The following WAPL variants were observed in gnomAD, a reference collection of about 807,000 sequenced individuals.
The protein encoded by WAPL is WAPL cohesin release factor, also known as wings apart-like protein homolog.
WAPL carries 5 observed loss-of-function variants against 121.0 expected under a neutral mutation model. The observed-to-expected ratio is 0.04, with a 90% confidence interval of 0.02 to 0.09. The LOEUF is 0.09. Among genes scored for constraint, WAPL ranks in the 10% least tolerant of loss-of-function variants. WAPL has a pLI of 1.00. For synonymous variants in WAPL, 480 were observed against 481.5 expected (o/e 1.00, Z 0.04); for missense variants, 999 against 1,410.8 (o/e 0.71, Z 4.68).
chr10:86,468,022 T>C (rs1288682259), intron 8 of WAPL, among the ~76,000 whole-genome samples: 2 of 151,868 alleles, frequency 1.3e-5, no homozygotes, highest in African/African-American at 4.8e-5. Flanking sequence ...AAAAATAAAA[T>C]GCTGTTGCTT....
At chr10:86,451,673 G>T (rs532879284) in intron 15 of WAPL, among the ~76,000 whole-genome samples, 3 of 152,172 alleles carry the variant, frequency 2.0e-5, no homozygotes, top group Non-Finnish European at 4.4e-5. Context: ...GATTATAGGC[G>T]TGAGTCACTG....
At chr10:86,476,854 T>C (rs951168772) in intron 4 of WAPL, among the ~76,000 whole-genome samples, 3 of 152,224 alleles carry the variant, frequency 2.0e-5, no homozygotes, top group Non-Finnish European at 2.9e-5. Flanking sequence ...CTGATGTGTC[T>C]ATTCATCTCA....
intron 15 of WAPL, among the ~76,000 whole-genome samples, chr10:86,447,502 C>T (rs1453861753): frequency 2.6e-5 from 4 of 151,894 alleles, no homozygotes; most frequent in Non-Finnish European, 5.9e-5. Flanking sequence ...TGGACATATA[C>T]AAAATGCCAT....
chr10:86,473,793 G>C, intron 5 of WAPL, 85 bp downstream of exon 5: 1 of 1,109,236 alleles, frequency 9.0e-7, no homozygotes, highest in Non-Finnish European at 1.3e-6. Flanking sequence ...AAAAGTCAAA[G>C]ATTTACAAAT....
chr10:86,514,998 G>A (rs964408098), intron 2 of WAPL, among the ~76,000 whole-genome samples: 4 of 152,162 alleles, frequency 2.6e-5, no homozygotes, highest in African/African-American at 4.8e-5. Flanking sequence ...AGTGGCTCAC[G>A]CCTATATTCC....
intron 12 of WAPL, among the ~76,000 whole-genome samples, chr10:86,454,580 C>A (rs997178115): frequency 6.6e-6 from 1 of 152,236 alleles, no homozygotes; most frequent in Non-Finnish European, 1.5e-5. Context: ...TCTTGGCTCG[C>A]TACAACCTCC....
intron 4 of WAPL, among the ~76,000 whole-genome samples, chr10:86,491,815 T>C (rs945954011): frequency 4.6e-5 from 7 of 151,198 alleles, no homozygotes; most frequent in Non-Finnish European, 7.4e-5. Context: ...ACATGCAAGA[T>C]AACGTTTTAA....
intron 4 of WAPL, among the ~76,000 whole-genome samples, chr10:86,493,257 T>A (rs2132215252): frequency 6.6e-6 from 1 of 152,224 alleles, no homozygotes. Flanking sequence ...AAGTGTTATA[T>A]AACCACAGGT....
Position 86,463,011 on chromosome 10 carries a change from T to C in WAPL, c.2371-1724A>G, listed in dbSNP as rs182027132. Among the ~76,000 whole-genome samples the C allele has an allele frequency of 8.5e-5, 13 of 152,378 alleles. No homozygotes were observed. In the East Asian group the frequency reaches 2.1e-3, roughly 25 times the overall value. Reference sequence around the variant, plus strand: ...TATTGGCATAAAAAGGATTCTTTGATATTTTAGGCTATAGTCAGTATACTA... The same window carrying C: ...TATTGGCATAAAAAGGATTCTTTGACATTTTAGGCTATAGTCAGTATACTA... On this transcript the variant is annotated intron_variant, in intron 9 of 18. Coordinates refer to ENST00000298767, the MANE Select transcript of WAPL (RefSeq NM_015045.5).
At chr10:86,479,721 C>A (rs969318782) in intron 4 of WAPL, among the ~76,000 whole-genome samples, 2 of 152,098 alleles carry the variant, frequency 1.3e-5, no homozygotes, top group Non-Finnish European at 2.9e-5. Context: ...TCAATCAGCA[C>A]GAAGTACAAC....
At chr10:86,505,298 C>CTATTTTTTTTT in intron 2 of WAPL, among the ~76,000 whole-genome samples, 1 of 65,420 alleles carries the variant, frequency 1.5e-5, no homozygotes, top group East Asian at 3.5e-4. Context: ...CAGTGCCCAA[C>CTATTTTTTTTT]TCTTTTTTTT....
At chr10:86,467,676 ATTTT>A (rs758088662) in intron 8 of WAPL, among the ~76,000 whole-genome samples, 170 bp from the exon 9 acceptor site, 1 of 143,540 alleles carries the variant, frequency 7.0e-6, no homozygotes, top group Non-Finnish European at 1.5e-5. Context: ...CCTCTAAAAA[ATTTT>A]TTTTTTTTTT....
intron 4 of WAPL, among the ~76,000 whole-genome samples, chr10:86,481,264 T>C (rs2132202769): frequency 6.6e-6 from 1 of 152,078 alleles, no homozygotes; most frequent in South Asian, 2.1e-4. Context: ...TAAAAATATA[T>C]ACTGGGGAAG....
chr10:86,503,790 C>A (rs551415104), intron 2 of WAPL, among the ~76,000 whole-genome samples: 23 of 151,508 alleles, frequency 1.5e-4, no homozygotes, highest in African/African-American at 5.3e-4. Context: ...AAATGCTTAT[C>A]ATTAGTTGCT....
intron 3 of WAPL, among the ~76,000 whole-genome samples, 198 bp from the exon 4 acceptor site, chr10:86,497,517 C>A (rs574934180): frequency 6.6e-6 from 1 of 152,274 alleles, no homozygotes; most frequent in African/African-American, 2.4e-5. Context: ...TTGTCCCTCC[C>A]GCAAGAGAAA....
At position 86,500,617 on chromosome 10, in the gene WAPL, T is replaced by C; in HGVS notation, c.626A>G (p.Asp209Gly). 6.2e-7 allele frequency: 1 copy of C among 1,614,176 alleles called. No individual in the cohort carries two copies. The highest frequency in any genetic ancestry group is 8.5e-7 in the Non-Finnish European group (1 of 1,180,024). Residue 209 changes from aspartate to glycine, a missense_variant, in exon 3 of 19, where the codon GAT becomes GGT. Asp to Gly is a moderately conservative substitution (Grantham distance 94). Transcript: ENST00000298767. ...TTTCCCAAACTGGGAGTTCCAAGTA[T>C]CATTTGTTTCCTTGATTTCAGAAGC... ...TVASEIKETNDTWNSQFGKRP... is the reference protein window; with the variant it reads ...TVASEIKETNGTWNSQFGKRP...
Position 86,467,161 on chromosome 10 carries a change from A to C in WAPL, c.2370+118T>G, listed in dbSNP as rs376815898. On this transcript the variant is annotated intron_variant, in intron 9 of 18. Coordinates refer to ENST00000298767, the MANE Select transcript of WAPL (RefSeq NM_015045.5). ...CAGATCTAAACATAAGAAATTTGCCAAACTGTAAACCAAGGTTAGAATTAA... is the reference window on the plus strand; with the variant it reads ...CAGATCTAAACATAAGAAATTTGCCCAACTGTAAACCAAGGTTAGAATTAA... The C allele has an allele frequency of 1.9e-5, 18 of 932,542 alleles. No homozygotes were observed. In the African/African-American group the frequency reaches 2.7e-4, roughly 14 times the overall value. 57.8% of individuals were successfully genotyped at this position (932,542 alleles called of 1,614,324 possible).
intron 8 of WAPL, among the ~76,000 whole-genome samples, chr10:86,467,813 A>G (rs1334746456): frequency 2.0e-5 from 3 of 151,530 alleles, no homozygotes; most frequent in South Asian, 4.2e-4. Context: ...AGTAGCTCGG[A>G]CTACTGGTGT....
At chr10:86,471,192 AG>A in intron 7 of WAPL, 89 bp from the exon 8 acceptor site, 1 of 928,664 alleles carries the variant, frequency 1.1e-6, no homozygotes, top group Non-Finnish European at 1.7e-6. Context: ...GCAAATAGGA[AG>A]GGGGTAAAAG....
Sources: gnomAD v4.1 joint callset for allele counts (sites outside exome capture counted in the v4.1 genomes callset) on GRCh38, gnomAD v4.1.1 for gene constraint, MANE v1.5 for transcripts, NCBI Gene and HGNC (gene_info 2026-07-23, HGNC 2026-07-21) for gene names.